Variants in BRDT observed in about 807,000 individuals in gnomAD.
BRDT encodes bromodomain testis associated.
In BRDT, 77 loss-of-function variants were observed where a neutral mutation model predicts 113.9. That is an observed-to-expected ratio of 0.68 (90% CI 0.56 to 0.82). The LOEUF is 0.82. BRDT is among the 40% of genes least tolerant of loss of function. The pLI, the probability that BRDT is intolerant of heterozygous loss-of-function variation, is 0.00. For synonymous variants in BRDT, 358 were observed against 366.5 expected, an observed-to-expected ratio of 0.98 and a Z score of 0.26; for missense variants, 1,027 against 1,105.4, an observed-to-expected ratio of 0.93 and a Z score of 1.01.
intron 8 of BRDT, among the ~76,000 whole-genome samples, chr1:91,980,249 AATC>A (rs1449675380): frequency 1.3e-5 from 2 of 152,144 alleles, no homozygotes; most frequent in Non-Finnish European, 2.9e-5. Context: ...TCTACAAAAA[AATC>A]AAAAAAACGA....
chr1:92,012,781 G>A lies in BRDT; in HGVS notation c.2776-1425G>A, dbSNP rs1158161300. ...CAAGATTAGTTGGGCTTGGTGGTAC[G>A]CACCTGTAGCCCCAGCTACTTGGGA... On this transcript the variant is annotated intron_variant, in intron 18 of 18. Coordinates refer to ENST00000399546, the MANE Select transcript of BRDT (RefSeq NM_207189.4). 2.6e-5 allele frequency among the ~76,000 whole-genome samples: 4 copies of A among 152,046 alleles called. 1 individual carries two copies. The highest frequency in any genetic ancestry group is 2.4e-5 in the African/African-American group (1 of 41,452).
At position 92,004,036 on chromosome 1, in the gene BRDT, G is replaced by A. The variant is rs147468679; in HGVS notation, c.2389-378G>A. Reference sequence around the variant, plus strand: ...CATTTTTAGGGTACAATCTTACTTTGCCTCTTATTAATCCTTTGAGCATTT... The same window carrying A: ...CATTTTTAGGGTACAATCTTACTTTACCTCTTATTAATCCTTTGAGCATTT... On this transcript the variant is annotated intron_variant, in intron 16 of 18. Transcript: ENST00000399546. Among the ~76,000 whole-genome samples, 888 of 152,040 alleles carry A rather than the reference G, an allele frequency of 5.8e-3. 5 individuals carry two copies. Among genetic ancestry groups the A allele is most frequent in the Middle Eastern group, 0.01 (3 of 294 alleles).
rs1262949618 is a variant in BRDT, at chr1:91,964,714, T to C, written c.280T>C (p.Cys94Arg). Residue 94 changes from cysteine to arginine, a missense_variant, in exon 3 of 19, where the codon TGT becomes CGT. Physicochemically the swap from Cys to Arg is radical, Grantham distance 180 (BLOSUM62 -3). Coordinates refer to ENST00000399546, the MANE Select transcript of BRDT (RefSeq NM_207189.4). ...ENKYYAKASE[C>R]IEDFNTMFSN... ...TAAATATTATGCGAAGGCTTCAGAA[T>C]GTATAGAAGACTTCAATACAATGTT... 1.3e-6 allele frequency: 2 copies of C among 1,524,350 alleles called. No individual in the cohort carries two copies. The highest frequency in any genetic ancestry group is 2.3e-5 in the East Asian group (1 of 43,864). The allele number at this position is 1,524,350 out of a possible 1,614,324, so 94.4% of individuals were successfully genotyped here.
intron 12 of BRDT, among the ~76,000 whole-genome samples, chr1:91,983,058 T>A (rs1684859960): frequency 1.3e-5 from 2 of 152,134 alleles, no homozygotes; most frequent in Non-Finnish European, 2.9e-5. Flanking sequence ...ATGCTTCAAG[T>A]GTTAGAGGAA....
At chr1:92,008,633 C>T (rs1393883182) in intron 18 of BRDT, among the ~76,000 whole-genome samples, 1 of 152,118 alleles carries the variant, frequency 6.6e-6, no homozygotes, top group Non-Finnish European at 1.5e-5. Context: ...AATAGTTTTC[C>T]TGCCCTGAAA....
intron 16 of BRDT, among the ~76,000 whole-genome samples, chr1:92,003,129 C>CT (rs1384631747): frequency 6.6e-6 from 1 of 152,088 alleles, no homozygotes; most frequent in Non-Finnish European, 1.5e-5. Flanking sequence ...TTATTGACAA[C>CT]TTACAGGAAA....
At chr1:91,991,991 CAAAAAAAAAAAAA>C (rs764759925) in intron 13 of BRDT, among the ~76,000 whole-genome samples, 7 of 67,744 alleles carry the variant, frequency 1.0e-4, no homozygotes, top group African/African-American at 2.3e-4. Flanking sequence ...GACTCTGTCT[CAAAAAAAAAAAAA>C]AAAAAAAAAA....
intron 4 of BRDT, among the ~76,000 whole-genome samples, chr1:91,969,068 C>T (rs1683357190): frequency 6.6e-6 from 1 of 151,948 alleles, no homozygotes; most frequent in African/African-American, 2.4e-5. Context: ...TCCAGAGTAG[C>T]TGGGACTACA....
Position 91,980,907 on chromosome 1 carries a change from A to G in BRDT, c.1479A>G (p.Lys493=). 2 of 1,605,586 alleles carry G rather than the reference A, an allele frequency of 1.2e-6. No homozygotes were observed. Among genetic ancestry groups the G allele is most frequent in the Non-Finnish European group, 1.7e-6 (2 of 1,177,724 alleles). ...KSKRNQPKKR[K]QQFIGLKSED... ...GTTACAGTCAGCCAAAGAAAAGGAA[A>G]CAACAGTTCATTGGTCTAAAATCTG... The change falls in exon 10 of 19, where the codon AAA becomes AAG. Residue 493 remains lysine (K), a synonymous_variant. Coordinates refer to ENST00000399546, the MANE Select transcript of BRDT (RefSeq NM_207189.4).
At position 91,986,711 on chromosome 1, in the gene BRDT, G is replaced by C. The variant is rs190539512; in HGVS notation, c.2003-4473G>C. On this transcript the variant is annotated intron_variant, in intron 12 of 18. Coordinates refer to ENST00000399546, the MANE Select transcript of BRDT (RefSeq NM_207189.4). ...AGGAATAAATAAATTTGTAATTTTAGTACTACCACCTAGGTCTTCTATAGA... is the reference window on the plus strand; with the variant it reads ...AGGAATAAATAAATTTGTAATTTTACTACTACCACCTAGGTCTTCTATAGA... Among the ~76,000 whole-genome samples, 8 of 152,074 alleles carry C rather than the reference G, an allele frequency of 5.3e-5. No homozygotes were observed. The East Asian group carries it at 1.5e-3, about 29-fold the overall frequency.
intron 1 of BRDT, among the ~76,000 whole-genome samples, chr1:91,959,419 C>CTTTTTTTTTTT (rs11346071): frequency 1.2e-4 from 14 of 112,768 alleles, no homozygotes; most frequent in South Asian, 2.7e-4. Flanking sequence ...CTTTTTCTTT[C>CTTTTTTTTTTT]TTTTTTTTTT....
intron 18 of BRDT, among the ~76,000 whole-genome samples, chr1:92,010,342 G>A (rs2101835545): frequency 7.1e-6 from 1 of 140,012 alleles, no homozygotes; most frequent in Admixed American, 8.3e-5. Flanking sequence ...CGTGATCTCG[G>A]CTCACTGCAA....
At chr1:91,985,660 G>A (rs1429601030) in intron 12 of BRDT, among the ~76,000 whole-genome samples, 42 of 61,000 alleles carry the variant, frequency 6.9e-4, no homozygotes, top group African/African-American at 2.8e-3. Flanking sequence ...TTTTTTTTGA[G>A]ACGGAGTCTG....
chr1:91,953,728 G>A (rs138570783), intron 1 of BRDT, among the ~76,000 whole-genome samples: 284 of 152,252 alleles, frequency 1.9e-3, no homozygotes, highest in Non-Finnish European at 3.0e-3. Context: ...GGCAAGAGAC[G>A]TGGTTTTCAG....
At chr1:91,956,719 C>T (rs1470696529) in intron 1 of BRDT, among the ~76,000 whole-genome samples, 2 of 152,078 alleles carry the variant, frequency 1.3e-5, no homozygotes, top group African/African-American at 4.8e-5. Context: ...GAGAGGATGA[C>T]TTGAAGCCAG....
chr1:91,975,864 G>T (rs1684093140), intron 4 of BRDT, among the ~76,000 whole-genome samples: 1 of 152,132 alleles, frequency 6.6e-6, no homozygotes, highest in African/African-American at 2.4e-5. Flanking sequence ...TTCTGTGATG[G>T]ACTATGTTAA....
intron 12 of BRDT, among the ~76,000 whole-genome samples, chr1:91,982,330 G>A (rs550426173): frequency 4.9e-4 from 75 of 152,186 alleles, no homozygotes; most frequent in African/African-American, 1.7e-3. Context: ...CTATGCTCAA[G>A]TGCCATATTA....
chr1:91,962,990 C>A, intron 2 of BRDT, 44 bp downstream of exon 2: 3 of 1,424,576 alleles, frequency 2.1e-6, no homozygotes, highest in Non-Finnish European at 2.8e-6. Context: ...AAAGAAAACT[C>A]CTGTAAATTT....
chr1:91,975,530 G>T (rs1684051761), intron 4 of BRDT, among the ~76,000 whole-genome samples: 1 of 152,186 alleles, frequency 6.6e-6, no homozygotes, highest in African/African-American at 2.4e-5. Context: ...GATGCCTTGG[G>T]CCAGAGTGAA....
Sources: allele counts gnomAD v4.1 joint callset (sites outside exome capture counted in the v4.1 genomes callset), GRCh38; gene constraint gnomAD v4.1.1; transcripts MANE v1.5; gene names NCBI Gene and HGNC (gene_info 2026-07-23, HGNC 2026-07-21).